The following MED23 variants were observed in gnomAD, a reference collection of about 807,000 sequenced individuals.
The protein encoded by MED23 is mediator of RNA polymerase II transcription subunit 23.
In MED23, 105 loss-of-function variants were observed where a neutral mutation model predicts 163.9. The ratio of observed to expected loss-of-function variants is 0.64; its 90% CI spans 0.55 to 0.75. The LOEUF is 0.75. Among genes scored for constraint, MED23 ranks in the 30% least tolerant of loss-of-function variants. MED23 has a pLI of 0.00. For missense variants in MED23, 1,054 were observed against 1,649.0 expected, an observed-to-expected ratio of 0.64 and a Z score of 6.25; for synonymous variants, 561 against 565.6, an observed-to-expected ratio of 0.99 and a Z score of 0.12.
intron 17 of MED23, 28 bp downstream of exon 17, chr6:131,602,190 G>A: frequency 6.2e-7 from 1 of 1,607,986 alleles, no homozygotes; most frequent in Non-Finnish European, 8.5e-7. Flanking sequence ...TTCATCTGTT[G>A]TTGTTTGTAG....
chr6:131,583,885 G>A (rs929906801), downstream of MED23: 1 of 1,614,052 alleles, frequency 6.2e-7, no homozygotes, highest in Non-Finnish European at 8.5e-7. Flanking sequence ...CAAGCCTATT[G>A]ACTACCTTAA....
intron 5 of MED23, among the ~76,000 whole-genome samples, chr6:131,622,270 C>A (rs1347699084): frequency 1.3e-5 from 2 of 152,154 alleles, no homozygotes; most frequent in African/African-American, 4.8e-5. Context: ...GGTCAAAAAC[C>A]TTAATTATAC....
At chr6:131,595,842 A>G (rs1775006196) in intron 22 of MED23, 105 bp downstream of exon 22, 1 of 828,510 alleles carries the variant, frequency 1.2e-6, no homozygotes, top group African/African-American at 1.7e-5. Context: ...TCATTTTTAA[A>G]ATATTTAAAA....
chr6:131,620,810 T>A, intron 6 of MED23, 81 bp from the exon 7 acceptor site: 1 of 844,424 alleles, frequency 1.2e-6, no homozygotes, highest in African/African-American at 1.8e-5. Context: ...CATTATTTTT[T>A]TTTTTTTTTG....
In MED23 at chr6:131,593,103, C is replaced by A; in HGVS notation, c.3301G>T (p.Ala1101Ser). ...DWRFNEFPNP[A>S]AHALHVTCVE... The stretch of plus-strand genomic sequence containing the variant: ...CAAGTAACATGGAGAGCATGGGCAG[C>A]TGGGTTGGGAAACTCATTGAATCTC... Residue 1101 changes from alanine to serine, a missense_variant, in exon 24 of 29, where the codon GCT (alanine) becomes TCT (serine). Physicochemically the swap from Ala to Ser is moderately conservative, Grantham distance 99 (BLOSUM62 1). This residue lies in a region of MED23 where 362 missense variants were observed against 471.6 expected (regional missense o/e 0.77). Coordinates refer to ENST00000368068, the MANE Select transcript of MED23 (RefSeq NM_004830.4). 1 of 1,614,196 alleles carries A rather than the reference C, an allele frequency of 6.2e-7. No individual in the cohort carries two copies. Among genetic ancestry groups the A allele is most frequent in the Non-Finnish European group, 8.5e-7 (1 of 1,180,030 alleles).
chr6:131,591,962 G>C (rs1005922625), intron 25 of MED23: 5 of 224,476 alleles, frequency 2.2e-5, no homozygotes, highest in Non-Finnish European at 1.7e-5. Flanking sequence ...TTTAGAGAAG[G>C]TGATGGAAAG....
intron 10 of MED23, among the ~76,000 whole-genome samples, chr6:131,611,298 G>A (rs1438599817): frequency 6.6e-6 from 1 of 152,124 alleles, no homozygotes; most frequent in Non-Finnish European, 1.5e-5. Context: ...TCTTTTGCAT[G>A]CTCTTTGCCA....
intron 8 of MED23, among the ~76,000 whole-genome samples, chr6:131,619,481 C>T (rs528305812): frequency 2.0e-5 from 3 of 152,314 alleles, no homozygotes; most frequent in South Asian, 2.1e-4. Flanking sequence ...GACACTTTCA[C>T]GTTCTGTAGC....
In MED23 at chr6:131,620,699, A is replaced by G; in HGVS notation, c.526T>C (p.Cys176Arg). Residue 176 changes from cysteine (C) to arginine (R), a missense_variant, in exon 7 of 29, where the codon TGC becomes CGC. Physicochemically the swap from Cys to Arg is radical, Grantham distance 180 (BLOSUM62 -3). This residue lies in a region of MED23 where 227 missense variants were observed against 235.5 expected (regional missense o/e 0.96). Coordinates refer to ENST00000368068, the MANE Select transcript of MED23 (RefSeq NM_004830.4). The part of the protein sequence containing the change: ...VIAYILERNA[C>R]LLPAYFAVTE... ...ACTGCAAAATAGGCTGGTAATAAGC[A>G]GGCATTTCTTTCCAAGATATATGCT... 6.2e-7 allele frequency: 1 copy of G among 1,613,468 alleles called. No individual in the cohort carries two copies. The highest frequency in any genetic ancestry group is 1.1e-5 in the South Asian group (1 of 91,068).
At chr6:131,597,479 A>AAAG (rs1775143918) in intron 20 of MED23, among the ~76,000 whole-genome samples, 1 of 104,224 alleles carries the variant, frequency 9.6e-6, no homozygotes, top group Admixed American at 1.1e-4. Context: ...CCATATCAAA[A>AAAG]AAAAAAAAAA....
Position 131,621,873 on chromosome 6 carries a change from T to A in MED23, c.495+8A>T. On this transcript the variant is annotated splice_region_variant and intron_variant, in intron 6 of 28. Coordinates refer to ENST00000368068, the MANE Select transcript of MED23 (RefSeq NM_004830.4). Reference sequence around the variant, plus strand: ...TATGATCACGAATTTCAGACATGTCTAAATTACCTCTCTTGCTGCCAGAAG... The same window carrying A: ...TATGATCACGAATTTCAGACATGTCAAAATTACCTCTCTTGCTGCCAGAAG... 1.9e-6 allele frequency: 3 copies of A among 1,595,894 alleles called. No individual in the cohort carries two copies. The highest frequency in any genetic ancestry group is 2.6e-6 in the Non-Finnish European group (3 of 1,168,188).
chr6:131,602,128 C>A (rs1775530088), intron 17 of MED23, 90 bp downstream of exon 17: 11 of 1,414,216 alleles, frequency 7.8e-6, no homozygotes, highest in African/African-American at 4.3e-5. Context: ...TGAAAAGTAT[C>A]TTTTTAGTAT....
intron 26 of MED23, 43 bp from the exon 27 acceptor site, chr6:131,590,485 T>C (rs201292263): frequency 8.8e-6 from 13 of 1,482,262 alleles, no homozygotes; most frequent in Non-Finnish European, 1.2e-5. Context: ...TGAAATTATT[T>C]AAATTGTTTG....
Position 131,594,193 on chromosome 6 carries a change from G to A in MED23, c.3138C>T (p.Asp1046=). ...CATTCATAGCGCATTTCAGGTAAGT[G>A]TCACTTAGACACCAGCCCTGCGGTC... The part of the protein sequence containing the change: ...DNRPQGWCLS[D]TYLKCAMNAR... Residue 1046 remains aspartate, a synonymous_variant, in exon 23 of 29, where the codon GAC becomes GAT. Transcript: ENST00000368068. 2 of 1,614,174 alleles carry A rather than the reference G, an allele frequency of 1.2e-6. No individual in the cohort carries two copies. Among genetic ancestry groups the A allele is most frequent in the East Asian group, 2.2e-5 (1 of 44,882 alleles).
At chr6:131,594,851 A>T (rs535272795) in intron 22 of MED23, among the ~76,000 whole-genome samples, 19 of 152,168 alleles carry the variant, frequency 1.2e-4, no homozygotes, top group Non-Finnish European at 2.6e-4. Context: ...ACCAGCCAGG[A>T]TATCTAAGAG....
intron 10 of MED23, 42 bp from the exon 11 acceptor site, chr6:131,610,288 G>A (rs766771922): frequency 2.6e-5 from 42 of 1,592,246 alleles, no homozygotes; most frequent in Admixed American, 2.2e-4. Flanking sequence ...AAAGCCTCTC[G>A]GTTAGTTTCA....
chr6:131,594,205 C>A lies in MED23; in HGVS notation c.3126G>T (p.Trp1042Cys), dbSNP rs562060403. Residue 1042 changes from tryptophan to cysteine, a missense_variant, in exon 23 of 29, where the codon TGG becomes TGT. Transcript: ENST00000368068. ...ATTTCAGGTAAGTGTCACTTAGACA[C>A]CAGCCCTGCGGTCGATTATCCTTCA... The part of the protein sequence containing the change: ...GSLKDNRPQG[W>C]CLSDTYLKCA... The A allele has an allele frequency of 1.7e-5, 28 of 1,614,022 alleles. No homozygotes were observed. The highest frequency in any genetic ancestry group is 2.4e-5 in the Non-Finnish European group (28 of 1,180,022).
chr6:131,601,442 T>C (rs28810124), intron 17 of MED23, among the ~76,000 whole-genome samples: 8,308 of 152,280 alleles, frequency 0.055, 802 homozygotes, highest in African/African-American at 0.19. Context: ...ACTAAATGTA[T>C]AAAACAGATG....
intron 10 of MED23, 53 bp downstream of exon 10, chr6:131,615,854 G>T: frequency 7.6e-7 from 1 of 1,315,390 alleles, no homozygotes; most frequent in South Asian, 1.2e-5. Context: ...AAAGAGAAAA[G>T]AATAGTGCAG....
Sources: allele counts gnomAD v4.1 joint callset (sites outside exome capture counted in the v4.1 genomes callset), GRCh38; gene constraint gnomAD v4.1.1; regional missense constraint gnomAD v4.1.1; transcripts MANE v1.5; gene names NCBI Gene and HGNC (gene_info 2026-07-23, HGNC 2026-07-21).